TBK1: variants seen among roughly 807,000 people sequenced by gnomAD.
The protein encoded by TBK1 is TANK binding kinase 1.
TBK1 carries 37 observed loss-of-function variants against 99.9 expected under a neutral mutation model. The ratio of observed to expected loss-of-function variants is 0.37; its 90% CI spans 0.28 to 0.49. The LOEUF (loss-of-function observed/expected upper bound fraction) is 0.49, where lower values mean the gene tolerates loss of function less well. Among genes scored for constraint, TBK1 ranks in the 20% least tolerant of loss-of-function variants. TBK1 has a pLI of 0.98. For synonymous variants in TBK1, 258 were observed against 279.8 expected (o/e 0.92, Z 0.78); for missense variants, 644 against 872.5 (o/e 0.74, Z 3.30).
At chr12:64,490,302 G>A (rs1242559584) in intron 13 of TBK1, among the ~76,000 whole-genome samples, 183 bp downstream of exon 13, 1 of 151,946 alleles carries the variant, frequency 6.6e-6, no homozygotes, top group Non-Finnish European at 1.5e-5. Flanking sequence ...GAGTTATGAT[G>A]GTGCCACTGC....
Position 64,472,095 on chromosome 12 carries a change from C to T in TBK1, c.541-2135C>T, listed in dbSNP as rs2136067821. 2.0e-5 allele frequency among the ~76,000 whole-genome samples: 3 copies of T among 151,838 alleles called. No individual in the cohort carries two copies. In the South Asian group the frequency reaches 6.3e-4, roughly 32 times the overall value. On this transcript the variant is annotated intron_variant, in intron 5 of 20. Transcript: ENST00000331710. ...CTTTGGACAATAATCACTTTATGTG[C>T]TGTGCTACAGAACCAGCAAAGCCAC...
chr12:64,462,681 T>C (rs747713758), intron 3 of TBK1, among the ~76,000 whole-genome samples: 2 of 152,028 alleles, frequency 1.3e-5, no homozygotes, highest in Non-Finnish European at 2.9e-5. Flanking sequence ...TTTGGAGATA[T>C]GTAGAAAAAA....
At chr12:64,489,405 C>T (rs941973378) in intron 12 of TBK1, among the ~76,000 whole-genome samples, 2 of 152,182 alleles carry the variant, frequency 1.3e-5, no homozygotes, top group African/African-American at 4.8e-5. Context: ...TCAGTATTCA[C>T]TATTGACCTT....
chr12:64,480,274 C>G (rs756136729), intron 7 of TBK1, 152 bp downstream of exon 7: 1 of 556,166 alleles, frequency 1.8e-6, no homozygotes, highest in South Asian at 2.8e-5. Flanking sequence ...TGATTTTTGT[C>G]TTCGTGGTGG....
At chr12:64,469,393 C>T (rs1364393820) in intron 5 of TBK1, among the ~76,000 whole-genome samples, 2 of 152,112 alleles carry the variant, frequency 1.3e-5, no homozygotes, top group Admixed American at 6.5e-5. Flanking sequence ...CTCCGTCCTA[C>T]ATGACATTTG....
At chr12:64,495,935 A>T in intron 15 of TBK1, 160 bp downstream of exon 15, 1 of 586,860 alleles carries the variant, frequency 1.7e-6, no homozygotes, top group Non-Finnish European at 2.9e-6. Flanking sequence ...TTAAAAAAAA[A>T]AAAAAAAACT....
chr12:64,492,927 G>C (rs1474883104), intron 13 of TBK1, among the ~76,000 whole-genome samples: 2 of 126,916 alleles, frequency 1.6e-5, no homozygotes, highest in African/African-American at 3.1e-5. Context: ...AGACGAAGTT[G>C]CTCTTTTGCC....
intron 13 of TBK1, among the ~76,000 whole-genome samples, chr12:64,491,500 G>C (rs981103160): frequency 6.6e-6 from 1 of 152,022 alleles, no homozygotes; most frequent in African/African-American, 2.4e-5. Flanking sequence ...GTGCATGCCT[G>C]TGGTCCCAGC....
chr12:64,469,443 A>C (rs1309960475), intron 5 of TBK1, among the ~76,000 whole-genome samples: 1 of 152,096 alleles, frequency 6.6e-6, no homozygotes, highest in Admixed American at 6.6e-5. Flanking sequence ...CTGGGCCTCA[A>C]CATGTGACTG....
intron 13 of TBK1, among the ~76,000 whole-genome samples, chr12:64,492,315 A>G (rs890268709): frequency 6.6e-6 from 1 of 152,024 alleles, no homozygotes; most frequent in African/African-American, 2.4e-5. Flanking sequence ...TTATTTATTC[A>G]TTTATTTTTA....
intron 20 of TBK1, 78 bp downstream of exon 20, chr12:64,498,117 T>G: frequency 1.6e-6 from 2 of 1,222,190 alleles, no homozygotes; most frequent in South Asian, 2.7e-5. Context: ...TCTTCCTGTA[T>G]CAATAGATTC....
chr12:64,458,747 G>A (rs2136055442), intron 2 of TBK1, among the ~76,000 whole-genome samples: 1 of 152,226 alleles, frequency 6.6e-6, no homozygotes, highest in South Asian at 2.1e-4. Context: ...GATTCTCCTA[G>A]TTTTAGACTG....
rs371955059 is a variant in TBK1, at chr12:64,464,406, C to T, written c.301C>T (p.Pro101Ser). 3 of 1,605,220 alleles carry T rather than the reference C, an allele frequency of 1.9e-6. No homozygotes were observed. The highest frequency in any genetic ancestry group is 2.6e-6 in the Non-Finnish European group (3 of 1,174,968). The change falls in exon 4 of 21, where the codon CCT (proline) becomes TCT (serine). Residue 101 changes from proline (P) to serine (S), a missense_variant. Pro to Ser is a moderately conservative substitution (Grantham distance 74, BLOSUM62 -1). Transcript: ENST00000331710. ...GAGTTTATACACTGTTTTAGAAGAA[C>T]CTTCTAATGCCTATGGACTACCAGA... ...CGSLYTVLEE[P>S]SNAYGLPESE...
intron 13 of TBK1, among the ~76,000 whole-genome samples, chr12:64,492,701 T>C (rs1447384013): frequency 6.6e-6 from 1 of 151,972 alleles, no homozygotes; most frequent in East Asian, 1.9e-4. Flanking sequence ...AGCCAATTAC[T>C]TTTCCGTAGA....
At chr12:64,473,547 G>T (rs1457909136) in intron 5 of TBK1, among the ~76,000 whole-genome samples, 2 of 152,208 alleles carry the variant, frequency 1.3e-5, no homozygotes, top group African/African-American at 4.8e-5. Flanking sequence ...TTGGCAAGAT[G>T]ATATGATAGG....
Position 64,485,486 on chromosome 12 carries a change from T to C in TBK1, c.1221T>C (p.Asp407=). Residue 407 remains aspartate, a synonymous_variant, in exon 10 of 21, where the codon GAT becomes GAC. Coordinates refer to ENST00000331710, the MANE Select transcript of TBK1 (RefSeq NM_013254.4). ...TCCCTAAAGTACATCCACGTTATGA[T>C]TTAGACGGGGATGCTAGCATGGCTA... is the stretch of plus-strand genomic sequence containing the variant. ...ISLPKVHPRY[D]LDGDASMAKA... 6.4e-7 allele frequency: 1 copy of C among 1,566,424 alleles called. No individual in the cohort carries two copies. The highest frequency in any genetic ancestry group is 8.7e-7 in the Non-Finnish European group (1 of 1,147,220).
intron 11 of TBK1, among the ~76,000 whole-genome samples, chr12:64,488,195 C>G (rs565723217): frequency 4.6e-5 from 7 of 152,234 alleles, no homozygotes; most frequent in African/African-American, 1.2e-4. Flanking sequence ...CTGTAATGCT[C>G]TACAAACTAT....
At chr12:64,498,222 A>G (rs562398591) in intron 20 of TBK1, among the ~76,000 whole-genome samples, 183 bp downstream of exon 20, 4 of 152,334 alleles carry the variant, frequency 2.6e-5, no homozygotes, top group East Asian at 1.9e-4. Flanking sequence ...GTTCCATTTT[A>G]TAGAAGCACT....
At chr12:64,490,147 G>A (rs1455309349) in intron 13 of TBK1, 28 bp downstream of exon 13, 1 of 1,519,572 alleles carries the variant, frequency 6.6e-7, no homozygotes, top group Non-Finnish European at 9.1e-7. Flanking sequence ...TACGAAATTT[G>A]TAAGCTCATA....
Sources: gnomAD v4.1 joint callset for allele counts (sites outside exome capture counted in the v4.1 genomes callset) on GRCh38, gnomAD v4.1.1 for gene constraint, MANE v1.5 for transcripts, NCBI Gene and HGNC (gene_info 2026-07-23, HGNC 2026-07-21) for gene names.